The following TTN variants were observed in gnomAD, a reference collection of about 807,000 sequenced individuals.
The protein encoded by TTN is titin, also known as connectin.
In TTN, 1,525 loss-of-function variants were observed where a neutral mutation model predicts 3,223.0. The observed-to-expected ratio is 0.47, with a 90% confidence interval of 0.45 to 0.49. The LOEUF (loss-of-function observed/expected upper bound fraction) is 0.49. Among genes scored for constraint, TTN ranks in the 20% least tolerant of loss-of-function variants. TTN has a pLI of 0.00. For synonymous variants in TTN, 14,094 were observed against 15,161.0 expected (o/e 0.93, Z 5.17); for missense variants, 40,786 against 43,424.0 (o/e 0.94, Z 5.40).
rs1194896401 is a variant in TTN, at chr2:178,546,418, G to A, written c.94913C>T (p.Ala31638Val). 10 of 1,613,724 alleles carry A rather than the reference G, an allele frequency of 6.2e-6. No individual in the cohort carries two copies. Among genetic ancestry groups the A allele is most frequent in the East Asian group, 2.2e-5 (1 of 44,850 alleles). Reference sequence around the variant, plus strand: ...TTTGGGTTCAGGTTTGCCACCAACTGCAGCATCCAGAACAAGATCAGAACC... The same window carrying A: ...TTTGGGTTCAGGTTTGCCACCAACTACAGCATCCAGAACAAGATCAGAACC... ...RAGSDLVLDA[A>V]VGGKPEPKII... The change falls in exon 342 of 363, where the codon GCA becomes GTA. Residue 31638 changes from alanine to valine, a missense_variant. Coordinates refer to ENST00000589042, the MANE Select transcript of TTN (RefSeq NM_001267550.2).
At chr2:178,752,880 T>C (rs2085925753) in intron 47 of TTN, among the ~76,000 whole-genome samples, 1 of 152,104 alleles carries the variant, frequency 6.6e-6, no homozygotes, top group East Asian at 1.9e-4. Context: ...AAACATAAAG[T>C]TGAATTTGGC....
chr2:178,545,257 T>A (rs72648264), intron 344 of TTN, 131 bp downstream of exon 344: 184 of 751,584 alleles, frequency 2.4e-4, no homozygotes, highest in Middle Eastern at 3.2e-4. Flanking sequence ...ATATTTATGA[T>A]CATGCAAATA....
chr2:178,720,870 G>C, intron 79 of TTN, 51 bp downstream of exon 79: 1 of 1,512,054 alleles, frequency 6.6e-7, no homozygotes, highest in Non-Finnish European at 8.8e-7. Context: ...ACTTTGCTAA[G>C]AGCCCAAATC....
chr2:178,529,038 C>A lies in TTN; in HGVS notation c.106713G>T (p.Leu35571=). ...CTGATTTCTTGACTTCTTCAGAAAT[C>A]AGAACCTTTGAAGCTTCCTCTTTGA... ...LALKEEASKV[L]ISEEVKKSAA... is the part of the protein sequence containing the mutation. Residue 35571 remains leucine, a synonymous_variant, in exon 360 of 363, where the codon CTG becomes CTT. Transcript: ENST00000589042. 1 of 1,613,950 alleles carries A rather than the reference C, an allele frequency of 6.2e-7. No homozygotes were observed. Among genetic ancestry groups the A allele is most frequent in the Non-Finnish European group, 8.5e-7 (1 of 1,179,888 alleles).
intron 13 of TTN, 84 bp downstream of exon 13, chr2:178,789,276 T>G: frequency 6.5e-7 from 1 of 1,549,900 alleles, no homozygotes; most frequent in African/African-American, 1.4e-5. Flanking sequence ...TTGATATTAA[T>G]GTATTACAAT....
Position 178,770,624 on chromosome 2 carries a change from T to C in TTN, c.8168A>G (p.Asp2723Gly). Residue 2723 changes from aspartate (D) to glycine (G), a missense_variant, in exon 35 of 363, where the codon GAT becomes GGT. Asp to Gly is a moderately conservative substitution (Grantham distance 94). Transcript: ENST00000589042. ...LKNLTVTETQ[D>G]AVFTVELTHP... ...TGTAAGCTCGACAGTGAAAACAGCA[T>C]CCTGTGTTTCTGTCACTGTGAGGTT... The C allele has an allele frequency of 6.2e-7, 1 of 1,614,064 alleles. No individual in the cohort carries two copies. The highest frequency in any genetic ancestry group is 8.5e-7 in the Non-Finnish European group (1 of 1,180,008).
In TTN at chr2:178,578,922, A is replaced by C. The variant is rs2047065698; in HGVS notation, c.68108T>G (p.Phe22703Cys). The change falls in exon 320 of 363, where the codon TTT (phenylalanine) becomes TGT (cysteine). Residue 22703 changes from phenylalanine (F) to cysteine (C), a missense_variant. Physicochemically the swap from Phe to Cys is radical, Grantham distance 205. Transcript: ENST00000589042. ...TCASAVQKTT[F>C]RVTRLHEGME... is the part of the protein sequence containing the mutation. ...GCCCTCATGAAGTCTGGTTACTCTAAAGGTGGTTTTCTGGACAGCTGAGGC... is the reference window on the plus strand; with the variant it reads ...GCCCTCATGAAGTCTGGTTACTCTACAGGTGGTTTTCTGGACAGCTGAGGC... 6.2e-7 allele frequency: 1 copy of C among 1,613,110 alleles called. No homozygotes were observed. The highest frequency in any genetic ancestry group is 1.7e-5 in the Admixed American group (1 of 59,950).
intron 47 of TTN, chr2:178,747,067 C>G: frequency 6.2e-7 from 1 of 1,612,118 alleles, no homozygotes. Flanking sequence ...CTAGTGCCTC[C>G]CCTGGGGGTG....
chr2:178,767,856 C>T lies in TTN; in HGVS notation c.9374G>A (p.Gly3125Glu). The T allele has an allele frequency of 2.5e-6, 4 of 1,614,124 alleles. No homozygotes were observed. The East Asian group carries it at 8.9e-5, about 36-fold the overall frequency. ...LIPSTRMSDA[G>E]KYTVVAGGNV... ...GCCTCCTGCCACCACTGTGTACTTC[C>T]CAGCATCAGACATCCGGGTGGATGG... The change falls in exon 40 of 363, where the codon GGG (glycine) becomes GAG (glutamate). Residue 3125 changes from glycine to glutamate, a missense_variant. Physicochemically the swap from Gly to Glu is moderately conservative, Grantham distance 98 (BLOSUM62 -2). Transcript: ENST00000589042.
Position 178,543,315 on chromosome 2 carries a change from T to A in TTN, c.96658A>T (p.Thr32220Ser). Residue 32220 changes from threonine to serine, a missense_variant, in exon 347 of 363, where the codon ACC becomes TCC. Transcript: ENST00000589042. ...TAGAGTGGTTTTTCCCAGGCAAGGG[T>A]AACAGTGGATTTGGTGACATCGACC... ...EVVDVTKSTVTLAWEKPLYDG... is the reference protein window; with the variant it reads ...EVVDVTKSTVSLAWEKPLYDG... 6.2e-7 allele frequency: 1 copy of A among 1,613,754 alleles called. No homozygotes were observed. The highest frequency in any genetic ancestry group is 8.5e-7 in the Non-Finnish European group (1 of 1,179,768).
At chr2:178,665,283 T>A in intron 165 of TTN, 94 bp downstream of exon 165, 1 of 1,203,406 alleles carries the variant, frequency 8.3e-7, no homozygotes, top group Non-Finnish European at 1.2e-6. Flanking sequence ...TATGTTTATA[T>A]TTAGAATTTA....
In TTN at chr2:178,671,137, T is replaced by G; in HGVS notation, c.35261A>C (p.Lys11754Thr). 6.2e-7 allele frequency: 1 copy of G among 1,604,430 alleles called. No individual in the cohort carries two copies. The highest frequency in any genetic ancestry group is 8.5e-7 in the Non-Finnish European group (1 of 1,176,048). Residue 11754 changes from lysine to threonine, a missense_variant, in exon 156 of 363, where the codon AAA (lysine) becomes ACA (threonine). By Grantham distance (78) the Lys-to-Thr change is moderately conservative (BLOSUM62 -1). Transcript: ENST00000589042. ...PEISEKIIPP[K>T]KPPTKVVPRK... Reference sequence around the variant, plus strand: ...AGGAACAACTTTAGTGGGCGGTTTTTTTGGAGGGATGATTTTCTCAGATAT... The same window carrying G: ...AGGAACAACTTTAGTGGGCGGTTTTGTTGGAGGGATGATTTTCTCAGATAT...
intron 9 of TTN, among the ~76,000 whole-genome samples, chr2:178,792,480 A>G (rs537578184): frequency 2.1e-4 from 32 of 152,360 alleles, no homozygotes; most frequent in African/African-American, 7.5e-4. Flanking sequence ...AATGTTTACA[A>G]ATAGATCTAT....
Position 178,527,496 on chromosome 2 carries a change from A to G in TTN, c.107630T>C (p.Met35877Thr), listed in dbSNP as rs375824821. The change falls in exon 362 of 363, where the codon ATG (methionine) becomes ACG (threonine). Residue 35877 changes from methionine to threonine, a missense_variant. Physicochemically the swap from Met to Thr is moderately conservative, Grantham distance 81. Transcript: ENST00000589042. ...ACTAGTTGAGCTTTCCAGTTGTGTCATATTAGATATTCCCATAAAGCTGCT... is the reference window on the plus strand; with the variant it reads ...ACTAGTTGAGCTTTCCAGTTGTGTCGTATTAGATATTCCCATAAAGCTGCT... ...SSSSFMGISN[M>T]TQLESSTSKM... The G allele has an allele frequency of 5.6e-6, 9 of 1,613,852 alleles. No individual in the cohort carries two copies. The Middle Eastern group carries it at 4.9e-4, about 88-fold the overall frequency.
chr2:178,585,543 A>G (rs945787042), intron 308 of TTN, among the ~76,000 whole-genome samples, 196 bp from the exon 309 acceptor site: 3 of 152,014 alleles, frequency 2.0e-5, no homozygotes, highest in Non-Finnish European at 2.9e-5. Flanking sequence ...TGCTGCACCC[A>G]TCAACACATC....
At chr2:178,801,046 A>G (rs962536493) in intron 3 of TTN, among the ~76,000 whole-genome samples, 1 of 152,204 alleles carries the variant, frequency 6.6e-6, no homozygotes, top group African/African-American at 2.4e-5. Flanking sequence ...TGTGAAAGCC[A>G]TGTTGCATAT....
At chr2:178,744,064 T>G (rs1426002903) in intron 47 of TTN, among the ~76,000 whole-genome samples, 2 of 151,940 alleles carry the variant, frequency 1.3e-5, no homozygotes, top group Admixed American at 6.6e-5. Flanking sequence ...GACTGATAGA[T>G]GAAAGAAACA....
chr2:178,750,594 G>A (rs147087155), intron 47 of TTN: 36 of 1,612,170 alleles, frequency 2.2e-5, no homozygotes, highest in East Asian at 1.1e-4. Flanking sequence ...GGGCGTTTTC[G>A]AAAAGAATTT....
Position 178,547,217 on chromosome 2 carries a change from A to C in TTN, c.94308T>G (p.Gly31436=), listed in dbSNP as rs1330345859. ...SIRWEEPYHD[G]GSKIIGYWVE... ...CCCAGTAGCCAATGATTTTACTGCC[A>C]CCATCGTGGTAGGGTTCTTCCCAAC... Residue 31436 remains glycine (G), a synonymous_variant, in exon 340 of 363, where the codon GGT becomes GGG. Coordinates refer to ENST00000589042, the MANE Select transcript of TTN (RefSeq NM_001267550.2). 3 of 1,613,834 alleles carry C rather than the reference A, an allele frequency of 1.9e-6. No individual in the cohort carries two copies. In the South Asian group the frequency reaches 3.3e-5, roughly 18 times the overall value.
Sources: gnomAD v4.1 joint callset for allele counts (sites outside exome capture counted in the v4.1 genomes callset) on GRCh38, gnomAD v4.1.1 for gene constraint, MANE v1.5 for transcripts, NCBI Gene and HGNC (gene_info 2026-07-23, HGNC 2026-07-21) for gene names.